Variants in TRIM54 observed in about 807,000 individuals in gnomAD.
TRIM54 encodes tripartite motif containing 54.
TRIM54 carries 40 observed loss-of-function variants against 42.0 expected under a neutral mutation model. The observed-to-expected ratio is 0.95, with a 90% confidence interval of 0.74 to 1.24. TRIM54 has a LOEUF of 1.24. Among genes scored for constraint, TRIM54 ranks in the 50% most tolerant of loss-of-function variants. TRIM54 has a pLI of 0.00. For synonymous variants in TRIM54, 199 were observed against 194.9 expected (o/e 1.02, Z -0.17); for missense variants, 485 against 480.3 (o/e 1.01, Z -0.09).
chr2:27,298,351 G>C (rs1277400373), intron 1 of TRIM54, among the ~76,000 whole-genome samples: 1 of 152,144 alleles, frequency 6.6e-6, no homozygotes, highest in African/African-American at 2.4e-5. Context: ...GGCACTCTAG[G>C]AGGTGGGCTG....
In TRIM54 at chr2:27,282,984, G is replaced by T. The variant is rs1237995844; in HGVS notation, c.168+85G>T. 6 of 1,428,210 alleles carry T rather than the reference G, an allele frequency of 4.2e-6. No individual in the cohort carries two copies. In the African/African-American group the frequency reaches 8.6e-5, roughly 21 times the overall value. The allele number at this position is 1,428,210 out of a possible 1,614,324, so 88.5% of individuals were successfully genotyped here. A position where few individuals can be genotyped will look rare whatever the true frequency, so the allele number is the denominator to read the frequency against. On this transcript the variant is annotated intron_variant, in intron 1 of 8. Coordinates refer to ENST00000380075, the MANE Select transcript of TRIM54 (RefSeq NM_187841.3). ...CAGGTCAGAGCTGAGACCCCAGAAG[G>T]TGATGGATAGAGTGCTCTCTGAGGT...
At chr2:27,290,198 A>C (rs559404160) in intron 1 of TRIM54, among the ~76,000 whole-genome samples, 1 of 152,094 alleles carries the variant, frequency 6.6e-6, no homozygotes, top group Non-Finnish European at 1.5e-5. Flanking sequence ...TCTTAAAAAA[A>C]ATTTTTTTAA....
Position 27,306,392 on chromosome 2 carries a change from G to T in TRIM54, c.991+55G>T. The T allele has an allele frequency of 6.2e-7, 1 of 1,613,456 alleles. No homozygotes were observed. Among genetic ancestry groups the T allele is most frequent in the Non-Finnish European group, 8.5e-7 (1 of 1,179,698 alleles). Reference sequence around the variant, plus strand: ...CGGGTTCGGACCCTCTGTGTGGGGGGTGCGGCGGGCACGATGGCCGTAAAG... The same window carrying T: ...CGGGTTCGGACCCTCTGTGTGGGGGTTGCGGCGGGCACGATGGCCGTAAAG... On this transcript the variant is annotated intron_variant, in intron 7 of 8. Coordinates refer to ENST00000380075, the MANE Select transcript of TRIM54 (RefSeq NM_187841.3). The surrounding 1 kb of genome is among the most constrained non-coding windows in gnomAD (Gnocchi z 6.1).
chr2:27,300,951 C>T (rs1271075559), intron 3 of TRIM54, among the ~76,000 whole-genome samples: 2 of 152,126 alleles, frequency 1.3e-5, no homozygotes, highest in East Asian at 1.9e-4. Context: ...AAGCCATCCT[C>T]CTGCCTCTGT....
intron 3 of TRIM54, among the ~76,000 whole-genome samples, chr2:27,301,813 C>G (rs1572529038): frequency 6.6e-6 from 1 of 152,048 alleles, no homozygotes; most frequent in East Asian, 1.9e-4. Flanking sequence ...TGCTCTGGTT[C>G]AAACGCCCCT....
At chr2:27,295,203 C>G (rs1027502398) in intron 1 of TRIM54, among the ~76,000 whole-genome samples, 1 of 151,684 alleles carries the variant, frequency 6.6e-6, no homozygotes, top group Non-Finnish European at 1.5e-5. Flanking sequence ...CTCAGCCTCC[C>G]GAGTAGCTGG....
intron 4 of TRIM54, chr2:27,305,292 A>AGTG (rs1319341923): frequency 1.4e-5 from 8 of 589,338 alleles, no homozygotes; most frequent in Non-Finnish European, 1.2e-5. Flanking sequence ...CTCATAAAAC[A>AGTG]GTGATGATGA....
chr2:27,305,753 C>G lies in TRIM54; in HGVS notation c.779C>G (p.Ser260Cys). The change falls in exon 5 of 9, where the codon TCC becomes TGC. Residue 260 changes from serine to cysteine, a missense_variant. Transcript: ENST00000380075. ...IRQYGDHLEASSKLVESAIQS... is the reference protein window; with the variant it reads ...IRQYGDHLEACSKLVESAIQS... ...CAGTATGGCGACCACCTGGAGGCCT[C>G]CTCTAAGCTGGTGGAGTCTGCCATC... is the stretch of plus-strand genomic sequence containing the variant. The G allele has an allele frequency of 6.2e-7, 1 of 1,611,782 alleles. No individual in the cohort carries two copies. The highest frequency in any genetic ancestry group is 8.5e-7 in the Non-Finnish European group (1 of 1,179,024).
chr2:27,282,981 A>T, intron 1 of TRIM54, 82 bp downstream of exon 1: 1 of 1,442,216 alleles, frequency 6.9e-7, no homozygotes, highest in Non-Finnish European at 9.4e-7. Flanking sequence ...GAGACCCCAG[A>T]AGGTGATGGA....
chr2:27,298,438 C>T, intron 1 of TRIM54, 129 bp from the exon 2 acceptor site: 2 of 688,864 alleles, frequency 2.9e-6, no homozygotes, highest in Non-Finnish European at 2.4e-6. Context: ...GATCCAGCCA[C>T]AGAGAAGAGC....
chr2:27,298,594 G>C lies in TRIM54; in HGVS notation c.196G>C (p.Gly66Arg). ...QASNPLWQSR[G>R]STTVSSGGRF... ...CTCGAATCCTCTATGGCAGTCCCGG[G>C]GCTCCACCACTGTGTCTTCAGGAGG... is the stretch of plus-strand genomic sequence containing the variant. Residue 66 changes from glycine to arginine, a missense_variant, in exon 2 of 9, where the codon GGC (glycine) becomes CGC (arginine). Transcript: ENST00000380075. 1 of 1,614,094 alleles carries C rather than the reference G, an allele frequency of 6.2e-7. No individual in the cohort carries two copies. Among genetic ancestry groups the C allele is most frequent in the Non-Finnish European group, 8.5e-7 (1 of 1,179,988 alleles).
At chr2:27,304,209 C>G (rs1222753911) in intron 3 of TRIM54, among the ~76,000 whole-genome samples, 3 of 141,186 alleles carry the variant, frequency 2.1e-5, no homozygotes, top group African/African-American at 8.3e-5. Context: ...GAGACCTTGT[C>G]TCAAATATAT....
Position 27,307,291 on chromosome 2 carries a change from C to T in TRIM54, c.*406C>T. 2.9e-6 allele frequency: 2 copies of T among 688,362 alleles called. No homozygotes were observed. Among genetic ancestry groups the T allele is most frequent in the Non-Finnish European group, 4.7e-6 (2 of 427,362 alleles). 42.6% of individuals were successfully genotyped at this position (688,362 alleles called of 1,614,324 possible). Reference sequence around the variant, plus strand: ...GGCTGACCTGGCTGAAAGCCGCTGTCTCGGAGCCCCCCACAGCATTTTGTT... The same window carrying T: ...GGCTGACCTGGCTGAAAGCCGCTGTTTCGGAGCCCCCCACAGCATTTTGTT... On this transcript the variant is annotated 3_prime_UTR_variant, in exon 9 of 9. Transcript: ENST00000380075. This position sits in a 1 kb window ranked among gnomAD's most constrained non-coding sequence, Gnocchi z 6.9.
intron 3 of TRIM54, among the ~76,000 whole-genome samples, chr2:27,299,915 C>T (rs765914647): frequency 6.6e-5 from 10 of 151,214 alleles, no homozygotes; most frequent in South Asian, 2.1e-4. Context: ...TCATGTGATC[C>T]GTCCACCTTG....
chr2:27,305,996 C>T (rs970193908), intron 5 of TRIM54, 84 bp from the exon 6 acceptor site: 17 of 1,572,578 alleles, frequency 1.1e-5, no homozygotes, highest in African/African-American at 6.8e-5. Context: ...CCACCTACCC[C>T]GCAGGACTGT....
chr2:27,282,656 TC>T lies in TRIM54; in HGVS notation c.-75del. On this transcript the variant is annotated 5_prime_UTR_variant, in exon 1 of 9. Transcript: ENST00000380075. ...GCCACAGAAGGGAATCCAGAGGCCA[TC>T]TAAGCGAGGAAGGGTCTACAGGCAG... 1 of 1,482,998 alleles carries T rather than the reference TC, an allele frequency of 6.7e-7. No individual in the cohort carries two copies. The highest frequency in any genetic ancestry group is 9.0e-7 in the Non-Finnish European group (1 of 1,108,534). 91.9% of individuals were successfully genotyped at this position (1,482,998 alleles called of 1,614,324 possible).
chr2:27,295,144 C>A (rs1678831168), intron 1 of TRIM54, among the ~76,000 whole-genome samples: 1 of 151,616 alleles, frequency 6.6e-6, no homozygotes, highest in Non-Finnish European at 1.5e-5. Context: ...CGGCTCATTG[C>A]AACCTCGGCC....
Position 27,307,235 on chromosome 2 carries a change from A to C in TRIM54, c.*350A>C. ...TGCCGGGACCTCTGAGGTCCTGGGGATTTGGGGACCCTTGGGGTCCACATG... is the reference window on the plus strand; with the variant it reads ...TGCCGGGACCTCTGAGGTCCTGGGGCTTTGGGGACCCTTGGGGTCCACATG... On this transcript the variant is annotated 3_prime_UTR_variant, in exon 9 of 9. Transcript: ENST00000380075. The surrounding 1 kb of genome is among the most constrained non-coding windows in gnomAD (Gnocchi z 6.9). 1 of 483,576 alleles carries C rather than the reference A, an allele frequency of 2.1e-6. No homozygotes were observed. Among genetic ancestry groups the C allele is most frequent in the Non-Finnish European group, 3.7e-6 (1 of 271,520 alleles). The allele number at this position is 483,576 out of a possible 1,614,324, so 30.0% of individuals were successfully genotyped here.
chr2:27,296,155 C>A (rs1350868501), intron 1 of TRIM54, among the ~76,000 whole-genome samples: 2 of 152,232 alleles, frequency 1.3e-5, no homozygotes, highest in African/African-American at 4.8e-5. Flanking sequence ...GCCTACAGCC[C>A]TTGCTACCAA....
Sources: allele counts gnomAD v4.1 joint callset (sites outside exome capture counted in the v4.1 genomes callset), GRCh38; gene constraint gnomAD v4.1.1; non-coding constraint Gnocchi (gnomAD v3.1); transcripts MANE v1.5; gene names NCBI Gene and HGNC (gene_info 2026-07-23, HGNC 2026-07-21).